The following CADPS variants were observed in gnomAD, a reference collection of about 807,000 sequenced individuals.
CADPS encodes calcium-dependent secretion activator 1.
A neutral mutation model predicts 167.3 loss-of-function variants in CADPS; 57 were observed. The observed-to-expected ratio is 0.34, with a 90% CI of 0.28 to 0.42. CADPS has a LOEUF of 0.42. Among genes scored for constraint, CADPS ranks in the 20% least tolerant of loss-of-function variants. CADPS has a pLI of 1.00. For missense variants in CADPS, 1,414 were observed against 1,738.1 expected (o/e 0.81, Z 3.32); for synonymous variants, 676 against 635.3 (o/e 1.06, Z -0.96).
chr3:62,450,290 A>T (rs1485730938), intron 26 of CADPS, among the ~76,000 whole-genome samples: 1 of 152,180 alleles, frequency 6.6e-6, no homozygotes, highest in Admixed American at 6.5e-5. Context: ...GCTAAGTATG[A>T]CTGAGTGTGG....
At chr3:62,577,935 A>G (rs1461759077) in intron 8 of CADPS, among the ~76,000 whole-genome samples, 2 of 152,228 alleles carry the variant, frequency 1.3e-5, no homozygotes, top group Non-Finnish European at 2.9e-5. Context: ...AAATAGGAAA[A>G]AGGTAACAAA....
At chr3:62,809,586 G>A (rs889183861) in intron 1 of CADPS, among the ~76,000 whole-genome samples, 1 of 152,154 alleles carries the variant, frequency 6.6e-6, no homozygotes, top group South Asian at 2.1e-4. Flanking sequence ...TAGCTCCCAG[G>A]AAGTCTCTGT....
intron 11 of CADPS, among the ~76,000 whole-genome samples, chr3:62,541,227 T>A (rs1419924587): frequency 6.6e-6 from 1 of 152,150 alleles, no homozygotes; most frequent in Non-Finnish European, 1.5e-5. Context: ...TAGGAAGTAG[T>A]TCCTAAGTCC....
In CADPS at chr3:62,570,934, A is replaced by G; in HGVS notation, c.1582T>C (p.Leu528=). 6.2e-7 allele frequency: 1 copy of G among 1,601,558 alleles called. No individual in the cohort carries two copies. The highest frequency in any genetic ancestry group is 8.6e-7 in the Non-Finnish European group (1 of 1,168,390). The part of the protein sequence containing the change: ...KPQNMKHSGY[L]WAIGKNVWKR... ...CAGACATTCTTACCGATGGCCCATAAATACCTAAGGGAAAGGAGAAAGACC... is the reference window on the plus strand; with the variant it reads ...CAGACATTCTTACCGATGGCCCATAGATACCTAAGGGAAAGGAGAAAGACC... Residue 528 remains leucine, a synonymous_variant, in exon 9 of 30, where the codon TTA becomes CTA. Transcript: ENST00000383710.
chr3:62,761,052 T>C (rs1302627538), intron 2 of CADPS, among the ~76,000 whole-genome samples: 2 of 152,176 alleles, frequency 1.3e-5, no homozygotes, highest in African/African-American at 4.8e-5. Context: ...GGCATGAGAA[T>C]GGACTGGGCT....
At chr3:62,870,990 T>C (rs2082536595) in intron 1 of CADPS, among the ~76,000 whole-genome samples, 1 of 152,176 alleles carries the variant, frequency 6.6e-6, no homozygotes, top group Non-Finnish European at 1.5e-5. Context: ...ACATACATTG[T>C]TACATTCTGG....
intron 2 of CADPS, among the ~76,000 whole-genome samples, chr3:62,760,210 A>G (rs1231193545): frequency 6.6e-6 from 1 of 152,080 alleles, no homozygotes; most frequent in East Asian, 1.9e-4. Flanking sequence ...ATATATTAAT[A>G]TATTCTAACC....
chr3:62,783,711 G>A (rs1364600636), intron 1 of CADPS, among the ~76,000 whole-genome samples: 1 of 152,136 alleles, frequency 6.6e-6, no homozygotes, highest in Non-Finnish European at 1.5e-5. Flanking sequence ...ACTGGGGACT[G>A]GTTAAATAAC....
chr3:62,557,169 G>T (rs1227090322), intron 10 of CADPS, among the ~76,000 whole-genome samples: 1 of 151,850 alleles, frequency 6.6e-6, no homozygotes. Context: ...TACTTTTTGG[G>T]TTTAAATTAG....
In CADPS at chr3:62,701,716, G is replaced by C. The variant is rs150995157; in HGVS notation, c.889-39322C>G. On this transcript the variant is annotated intron_variant, in intron 3 of 29. Coordinates refer to ENST00000383710, the MANE Select transcript of CADPS (RefSeq NM_003716.4). ...TCACACCTGTAGGCACTGCCTCAGG[G>C]CACAGATGTGGTTCAGAGAAAGATG... Among the ~76,000 whole-genome samples the C allele has an allele frequency of 1.6e-3, 240 of 152,128 alleles. 1 individual carries two copies. The highest frequency in any genetic ancestry group is 3.4e-3 in the Middle Eastern group (1 of 294).
At chr3:62,695,963 TC>T (rs1363273841) in intron 3 of CADPS, among the ~76,000 whole-genome samples, 2 of 152,072 alleles carry the variant, frequency 1.3e-5, no homozygotes, top group Non-Finnish European at 2.9e-5. Flanking sequence ...TTCTGAACGC[TC>T]CCACGTATAC....
intron 1 of CADPS, among the ~76,000 whole-genome samples, chr3:62,815,802 T>A (rs971113009): frequency 6.6e-6 from 1 of 152,126 alleles, no homozygotes; most frequent in African/African-American, 2.4e-5. Context: ...CTCTTTCCCA[T>A]GCCTTCCTGC....
intron 26 of CADPS, among the ~76,000 whole-genome samples, chr3:62,459,997 G>A (rs534516649): frequency 4.9e-4 from 74 of 152,316 alleles, no homozygotes; most frequent in South Asian, 3.5e-3. Context: ...AGTAGTATCA[G>A]CTAGTGGATA....
At chr3:62,571,844 G>A (rs144068253) in intron 8 of CADPS, among the ~76,000 whole-genome samples, 3 of 152,266 alleles carry the variant, frequency 2.0e-5, no homozygotes, top group African/African-American at 7.2e-5. Context: ...GATTACAGGC[G>A]TGAGCCACCG....
chr3:62,822,750 G>A (rs2073222615), intron 1 of CADPS, among the ~76,000 whole-genome samples: 1 of 152,130 alleles, frequency 6.6e-6, no homozygotes, highest in Non-Finnish European at 1.5e-5. Flanking sequence ...GCTGAAGTAG[G>A]AGAACGGCTT....
At position 62,767,101 on chromosome 3, in the gene CADPS, C is replaced by T. The variant is rs532523810; in HGVS notation, c.442-1117G>A. 3.9e-5 allele frequency among the ~76,000 whole-genome samples: 6 copies of T among 152,114 alleles called. No individual in the cohort carries two copies. The South Asian group carries it at 1.3e-3, about 32-fold the overall frequency. On this transcript the variant is annotated intron_variant, in intron 1 of 29. Coordinates refer to ENST00000383710, the MANE Select transcript of CADPS (RefSeq NM_003716.4). ...ATGTATATTAACAAGTCAGCCAAAACTTTGCTGTTTTAAAAGTTAAAAACT... is the reference window on the plus strand; with the variant it reads ...ATGTATATTAACAAGTCAGCCAAAATTTTGCTGTTTTAAAAGTTAAAAACT...
chr3:62,564,329 C>G (rs910884097), intron 9 of CADPS, among the ~76,000 whole-genome samples: 1 of 152,112 alleles, frequency 6.6e-6, no homozygotes, highest in African/African-American at 2.4e-5. Flanking sequence ...TGGCTGCTTA[C>G]AAGCCATTGA....
chr3:62,648,858 C>G (rs9877933), intron 5 of CADPS, among the ~76,000 whole-genome samples: 124,850 of 151,856 alleles, frequency 0.82, 53,283 homozygotes, highest in Non-Finnish European at 0.94. Flanking sequence ...ACATTCAGTA[C>G]CTCAGGTGGC....
chr3:62,413,161 T>C (rs1228565057), intron 28 of CADPS, among the ~76,000 whole-genome samples: 1 of 152,196 alleles, frequency 6.6e-6, no homozygotes, highest in Non-Finnish European at 1.5e-5. Context: ...GAGGCACTGA[T>C]GTGAATTTTC....
Sources: allele counts gnomAD v4.1 joint callset (sites outside exome capture counted in the v4.1 genomes callset), GRCh38; gene constraint gnomAD v4.1.1; transcripts MANE v1.5; gene names NCBI Gene and HGNC (gene_info 2026-07-23, HGNC 2026-07-21).